The following CSMD1 variants were observed in gnomAD, a reference collection of about 807,000 sequenced individuals.
CSMD1 encodes CUB and sushi domain-containing protein 1.
CSMD1 carries 213 observed loss-of-function variants against 417.5 expected under a neutral mutation model. The ratio of observed to expected loss-of-function variants is 0.51; its 90% CI spans 0.46 to 0.57. CSMD1 has a LOEUF of 0.57. Among genes scored for constraint, CSMD1 ranks in the 20% least tolerant of loss-of-function variants. CSMD1 has a pLI of 0.00. For missense variants in CSMD1, 6,923 were observed against 4,529.7 expected, an observed-to-expected ratio of 1.53 and a Z score of -15.17; for synonymous variants, 2,862 against 1,736.8, an observed-to-expected ratio of 1.65 and a Z score of -16.11.
chr8:4,913,953 A>G (rs1038032065), intron 1 of CSMD1, among the ~76,000 whole-genome samples: 7 of 152,198 alleles, frequency 4.6e-5, no homozygotes, highest in Admixed American at 2.0e-4. Flanking sequence ...GCTCTAATTA[A>G]TTGTAGCCAA....
At chr8:3,822,346 C>T (rs10092945) in intron 5 of CSMD1, among the ~76,000 whole-genome samples, 2 of 151,960 alleles carry the variant, frequency 1.3e-5, no homozygotes, top group African/African-American at 2.4e-5. Context: ...ACATCAAGTA[C>T]TTTAAAAGTC....
intron 1 of CSMD1, among the ~76,000 whole-genome samples, chr8:4,779,051 T>A (rs1007304603): frequency 6.6e-6 from 1 of 152,252 alleles, no homozygotes; most frequent in Non-Finnish European, 1.5e-5. Context: ...ATTTCAGGAA[T>A]TGACAGCTGT....
intron 1 of CSMD1, among the ~76,000 whole-genome samples, chr8:4,712,685 A>T (rs761732290): frequency 2.6e-5 from 4 of 152,194 alleles, no homozygotes; most frequent in Admixed American, 6.5e-5. Flanking sequence ...TCACAAATAG[A>T]TAATAATAGT....
chr8:4,804,053 G>C (rs1457923944), intron 1 of CSMD1, among the ~76,000 whole-genome samples: 2 of 152,136 alleles, frequency 1.3e-5, no homozygotes, highest in Non-Finnish European at 2.9e-5. Flanking sequence ...AACAGTATTA[G>C]GGGTGTGTTC....
chr8:3,803,236 C>G (rs1263204423), intron 5 of CSMD1, among the ~76,000 whole-genome samples: 3 of 152,142 alleles, frequency 2.0e-5, no homozygotes, highest in Admixed American at 6.6e-5. Flanking sequence ...AACCCCCATT[C>G]TGACTGCTTG....
intron 5 of CSMD1, among the ~76,000 whole-genome samples, chr8:3,866,052 CAAG>C (rs1805079659): frequency 1.6e-5 from 2 of 128,230 alleles, no homozygotes; most frequent in Admixed American, 8.1e-5. Flanking sequence ...TTAAAAAGAA[CAAG>C]TAAAATGTCT....
intron 5 of CSMD1, among the ~76,000 whole-genome samples, chr8:3,797,939 T>C (rs997475163): frequency 2.6e-5 from 4 of 152,172 alleles, no homozygotes; most frequent in Middle Eastern, 6.8e-3. Flanking sequence ...TTTGTAATTT[T>C]AGCTGTTCTC....
chr8:4,787,246 C>T lies in CSMD1; in HGVS notation c.86-149688G>A, dbSNP rs1021461826. 6.8e-5 allele frequency: 36 copies of T among 529,834 alleles called. No homozygotes were observed. The Admixed American group carries it at 1.1e-3, about 16-fold the overall frequency. 32.8% of individuals were successfully genotyped at this position (529,834 alleles called of 1,614,324 possible). A position where few individuals can be genotyped will look rare whatever the true frequency, so the allele number is the denominator to read the frequency against. ...CCTGGGGGCCGCGCCTCCTTCCCCG[C>T]CCAGAGATGCTCTCTGATCACCCCT... is the stretch of plus-strand genomic sequence containing the variant. On this transcript the variant is annotated intron_variant, in intron 1 of 69. Transcript: ENST00000635120.
At chr8:4,359,470 C>T (rs1299876137) in intron 3 of CSMD1, among the ~76,000 whole-genome samples, 3 of 152,040 alleles carry the variant, frequency 2.0e-5, no homozygotes, top group Non-Finnish European at 4.4e-5. Context: ...TCTTTAAAAA[C>T]AAGATTGAAT....
chr8:3,849,158 T>G (rs1221434414), intron 5 of CSMD1, among the ~76,000 whole-genome samples: 1 of 152,232 alleles, frequency 6.6e-6, no homozygotes, highest in African/African-American at 2.4e-5. Context: ...TGGAGGTGTC[T>G]TAAACGATGA....
At chr8:4,315,820 T>C (rs542190853) in intron 3 of CSMD1, among the ~76,000 whole-genome samples, 1 of 152,294 alleles carries the variant, frequency 6.6e-6, no homozygotes, top group African/African-American at 2.4e-5. Flanking sequence ...TCTTTATTCT[T>C]CAGAAGCGTT....
rs576580117 is a variant in CSMD1 at position 4,178,184 on chromosome 8, C to A, written c.416-146085G>T. Among the ~76,000 whole-genome samples, 5 of 152,196 alleles carry A rather than the reference C, an allele frequency of 3.3e-5. No individual in the cohort carries two copies. The East Asian group carries it at 5.8e-4, about 18-fold the overall frequency. On this transcript the variant is annotated intron_variant, in intron 3 of 69. Transcript: ENST00000635120. ...CAGATTGATGCAGAAACCCTCAATACGATACTGGCAGACCGAATCCAGCAG... is the reference window on the plus strand; with the variant it reads ...CAGATTGATGCAGAAACCCTCAATAAGATACTGGCAGACCGAATCCAGCAG...
intron 2 of CSMD1, among the ~76,000 whole-genome samples, chr8:4,499,552 T>C (rs942338763): frequency 1.2e-4 from 18 of 152,222 alleles, no homozygotes; most frequent in Non-Finnish European, 1.9e-4. Context: ...GGATAAGCGA[T>C]AACATATAAG....
In CSMD1 at chr8:3,409,406, C is replaced by G. The variant is rs1221438811; in HGVS notation, c.1744+17G>C. The stretch of plus-strand genomic sequence containing the variant: ...TTGCAGGACAGGAGGGAGTCCAGGT[C>G]AAGGCATAATACTCACATACACAGC... On this transcript the variant is annotated intron_variant, in intron 13 of 69. Transcript: ENST00000635120. The G allele has an allele frequency of 6.3e-7, 1 of 1,596,038 alleles. No individual in the cohort carries two copies. The highest frequency in any genetic ancestry group is 8.5e-7 in the Non-Finnish European group (1 of 1,170,142).
At chr8:4,000,170 C>A (rs557123310) in intron 4 of CSMD1, among the ~76,000 whole-genome samples, 2 of 151,910 alleles carry the variant, frequency 1.3e-5, no homozygotes, top group African/African-American at 2.4e-5. Flanking sequence ...ACAAGCTGCA[C>A]AACTGCCCAG....
At chr8:4,441,499 G>A (rs551920354) in intron 2 of CSMD1, among the ~76,000 whole-genome samples, 2 of 152,056 alleles carry the variant, frequency 1.3e-5, no homozygotes, top group African/African-American at 2.4e-5. Flanking sequence ...ATTTTACAGA[G>A]AGAGAATGCA....
At chr8:4,375,681 G>C (rs541120832) in intron 3 of CSMD1, among the ~76,000 whole-genome samples, 3 of 152,232 alleles carry the variant, frequency 2.0e-5, no homozygotes, top group South Asian at 4.1e-4. Context: ...TGCCCACAGA[G>C]TGAGAGGGGT....
At position 4,132,173 on chromosome 8, in the gene CSMD1, C is replaced by T. The variant is rs552543132; in HGVS notation, c.416-100074G>A. ...ATCAGCTGTTGCCTGTTTGTTTATG[C>T]GGGTAAAATTTGTCATGGATTTTTT... On this transcript the variant is annotated intron_variant, in intron 3 of 69. Transcript: ENST00000635120. 7.4e-3 allele frequency among the ~76,000 whole-genome samples: 1,082 copies of T among 145,680 alleles called. 4 individuals carry two copies. Among genetic ancestry groups the T allele is most frequent in the Non-Finnish European group, 0.012 (776 of 66,862 alleles).
chr8:3,388,922 C>G (rs1036371410), intron 17 of CSMD1, among the ~76,000 whole-genome samples: 5 of 47,468 alleles, frequency 1.1e-4, no homozygotes, highest in African/African-American at 3.8e-4. Context: ...CACACACACA[C>G]ACACACACAC....
Sources: allele counts gnomAD v4.1 joint callset (sites outside exome capture counted in the v4.1 genomes callset), GRCh38; gene constraint gnomAD v4.1.1; transcripts MANE v1.5; gene names NCBI Gene and HGNC (gene_info 2026-07-23, HGNC 2026-07-21).